SCFD2: variants seen among roughly 807,000 people sequenced by gnomAD.
SCFD2 encodes the protein sec1 family domain-containing protein 2.
A neutral mutation model predicts 58.9 loss-of-function variants in SCFD2; 54 were observed. That is an observed-to-expected ratio of 0.92 (90% CI 0.74 to 1.15). The LOEUF is 1.15. Ranked by LOEUF, SCFD2 falls within the 50% of genes most tolerant of loss-of-function variation. The probability of loss-of-function intolerance (pLI) is 0.00; values close to 1 mark genes in which losing one functional copy is unlikely to be tolerated. For missense variants in SCFD2, 805 were observed against 836.6 expected (o/e 0.96, Z 0.47); for synonymous variants, 321 against 335.9 (o/e 0.96, Z 0.49).
intron 4 of SCFD2, among the ~76,000 whole-genome samples, chr4:53,237,945 G>T (rs1191690603): frequency 2.8e-5 from 3 of 105,716 alleles, no homozygotes; most frequent in Non-Finnish European, 4.2e-5. Flanking sequence ...GCGGCTGGCC[G>T]GGCGAGGGGC....
In SCFD2 at chr4:52,966,798, C is replaced by G. The variant is rs781276078; in HGVS notation, c.1562-45928G>C. ...TACATTTTCTTAACTAAAGTATAAA[C>G]TTTATACAGACTTCCTTTGTTTTTA... On this transcript the variant is annotated intron_variant, in intron 5 of 8. Transcript: ENST00000401642. Among the ~76,000 whole-genome samples, 21 of 152,142 alleles carry G rather than the reference C, an allele frequency of 1.4e-4. No individual in the cohort carries two copies. In the East Asian group the frequency reaches 2.5e-3, roughly 18 times the overall value.
At chr4:53,248,040 C>G (rs1028650327) in intron 4 of SCFD2, among the ~76,000 whole-genome samples, 1 of 152,174 alleles carries the variant, frequency 6.6e-6, no homozygotes, top group Admixed American at 6.5e-5. Flanking sequence ...GAGTGCCAGA[C>G]AGTGGGCGCA....
At chr4:52,946,082 C>CA (rs1720417937) in intron 5 of SCFD2, among the ~76,000 whole-genome samples, 1 of 151,990 alleles carries the variant, frequency 6.6e-6, no homozygotes, top group Non-Finnish European at 1.5e-5. Flanking sequence ...AGGTTATTTG[C>CA]AAAAAATTGA....
At chr4:52,932,702 C>T (rs138990693) in intron 5 of SCFD2, among the ~76,000 whole-genome samples, 137 of 152,204 alleles carry the variant, frequency 9.0e-4, no homozygotes, top group African/African-American at 3.1e-3. Context: ...GTTTATTTTT[C>T]TTCCAGTAGC....
chr4:53,189,325 T>A (rs1003791071), intron 4 of SCFD2, among the ~76,000 whole-genome samples: 12 of 152,192 alleles, frequency 7.9e-5, no homozygotes, highest in Admixed American at 7.9e-4. Context: ...TTCATCACCA[T>A]CTGATTTAGA....
At chr4:53,345,336 A>G (rs1734024766) in intron 2 of SCFD2, among the ~76,000 whole-genome samples, 1 of 152,240 alleles carries the variant, frequency 6.6e-6, no homozygotes, top group African/African-American at 2.4e-5. Flanking sequence ...GCCAACAGAC[A>G]CATGAAAAAA....
intron 5 of SCFD2, among the ~76,000 whole-genome samples, chr4:53,016,640 TAC>T (rs1722220150): frequency 6.6e-6 from 1 of 152,228 alleles, no homozygotes; most frequent in African/African-American, 2.4e-5. Flanking sequence ...TGACTCGTGC[TAC>T]AGATGAGTAA....
At chr4:53,048,694 A>G (rs1390894920) in intron 5 of SCFD2, among the ~76,000 whole-genome samples, 2 of 152,218 alleles carry the variant, frequency 1.3e-5, no homozygotes, top group Admixed American at 1.3e-4. Context: ...GGAGCTGTGT[A>G]TCTCAAATGT....
chr4:52,929,390 C>G (rs921502341), intron 5 of SCFD2, among the ~76,000 whole-genome samples: 4 of 152,146 alleles, frequency 2.6e-5, no homozygotes, highest in African/African-American at 9.7e-5. Flanking sequence ...TCTAAAGCCT[C>G]CAGCAAATTC....
intron 4 of SCFD2, among the ~76,000 whole-genome samples, chr4:53,262,929 G>A (rs1453362112): frequency 1.3e-5 from 2 of 152,098 alleles, no homozygotes; most frequent in African/African-American, 4.8e-5. Flanking sequence ...CAAGCTTCCT[G>A]GAGGCTTTGT....
At chr4:52,983,797 CTCCTT>C (rs1323654557) in intron 5 of SCFD2, among the ~76,000 whole-genome samples, 2 of 152,202 alleles carry the variant, frequency 1.3e-5, no homozygotes, top group African/African-American at 4.8e-5. Context: ...GACAAACCCT[CTCCTT>C]TCTCGTGTTG....
At chr4:53,166,147 AC>A (rs1355755070) in intron 4 of SCFD2, among the ~76,000 whole-genome samples, 2 of 152,186 alleles carry the variant, frequency 1.3e-5, no homozygotes, top group African/African-American at 4.8e-5. Flanking sequence ...GTATGTATAT[AC>A]TACGTATTGT....
chr4:52,963,359 G>A (rs978579769), intron 5 of SCFD2, among the ~76,000 whole-genome samples: 1 of 152,208 alleles, frequency 6.6e-6, no homozygotes, highest in Non-Finnish European at 1.5e-5. Context: ...TCACCCTACT[G>A]CTTTAAAAAT....
chr4:53,064,159 T>C (rs1723591537), intron 5 of SCFD2, among the ~76,000 whole-genome samples: 1 of 152,120 alleles, frequency 6.6e-6, no homozygotes, highest in Non-Finnish European at 1.5e-5. Flanking sequence ...AGGGTACATG[T>C]GCAGGTTTGT....
chr4:53,298,063 G>A (rs569525022), intron 3 of SCFD2, among the ~76,000 whole-genome samples: 183 of 152,244 alleles, frequency 1.2e-3, no homozygotes, highest in African/African-American at 3.6e-3. Flanking sequence ...CTGAGGTACC[G>A]GGCTCATCAC....
At chr4:53,305,586 AGAAAAT>A (rs1346825509) in intron 3 of SCFD2, among the ~76,000 whole-genome samples, 1 of 152,224 alleles carries the variant, frequency 6.6e-6, no homozygotes, top group Non-Finnish European at 1.5e-5. Context: ...ATTTTGTTTT[AGAAAAT>A]ATAGTTATTT....
intron 3 of SCFD2, among the ~76,000 whole-genome samples, chr4:53,280,375 G>T (rs1290573849): frequency 6.6e-6 from 1 of 152,106 alleles, no homozygotes; most frequent in Non-Finnish European, 1.5e-5. Flanking sequence ...AATTAGCCAG[G>T]CATAGTATCA....
intron 4 of SCFD2, among the ~76,000 whole-genome samples, chr4:53,230,678 G>A (rs189387242): frequency 3.3e-5 from 5 of 150,938 alleles, no homozygotes; most frequent in Non-Finnish European, 5.9e-5. Flanking sequence ...GCTAAATGAC[G>A]AGTTAATGGG....
chr4:53,199,740 G>A (rs1728168207), intron 4 of SCFD2, among the ~76,000 whole-genome samples: 1 of 152,114 alleles, frequency 6.6e-6, no homozygotes, highest in Non-Finnish European at 1.5e-5. Context: ...GAAAGGGCAT[G>A]GAAGCTACCT....
Sources: gnomAD v4.1 joint callset for allele counts (sites outside exome capture counted in the v4.1 genomes callset) on GRCh38, gnomAD v4.1.1 for gene constraint, MANE v1.5 for transcripts, NCBI Gene and HGNC (gene_info 2026-07-23, HGNC 2026-07-21) for gene names.